PDE11A: variants seen among roughly 807,000 people sequenced by gnomAD.
PDE11A encodes phosphodiesterase 11A, also known as dual 3',5'-cyclic-AMP and -GMP phosphodiesterase 11A.
A neutral mutation model predicts 100.5 loss-of-function variants in PDE11A; 100 were observed. That is an observed-to-expected ratio of 1.00 (90% CI 0.85 to 1.18). PDE11A has a LOEUF of 1.18. PDE11A is among the 50% of genes most tolerant of loss of function. PDE11A has a pLI of 0.00. For missense variants in PDE11A, 1,141 were observed against 1,152.6 expected, an observed-to-expected ratio of 0.99 and a Z score of 0.15; for synonymous variants, 381 against 420.8, an observed-to-expected ratio of 0.91 and a Z score of 1.16.
chr2:177,969,360 C>A (rs1005379351), intron 2 of PDE11A, among the ~76,000 whole-genome samples: 2 of 152,072 alleles, frequency 1.3e-5, no homozygotes, highest in African/African-American at 4.8e-5. Flanking sequence ...GTGTAGCAAA[C>A]CACCATGGCA....
intron 2 of PDE11A, among the ~76,000 whole-genome samples, chr2:177,960,499 G>A (rs1178880904): frequency 6.6e-6 from 1 of 151,764 alleles, no homozygotes; most frequent in East Asian, 1.9e-4. Context: ...AGCCAAACTT[G>A]TATGTAAACA....
chr2:178,071,865 G>C lies in PDE11A; in HGVS notation c.573C>G (p.Asp191Glu), dbSNP rs1476117800. Reference protein sequence around the residue: ...NLPRYPPTAIDYKCHLKKHNE... With the variant: ...NLPRYPPTAIEYKCHLKKHNE... ...TATGCTTTTTCAGATGGCACTTGTA[G>C]TCGATGGCTGTAGGGGGATACCGAG... Residue 191 changes from aspartate to glutamate, a missense_variant, in exon 1 of 20, where the codon GAC (aspartate) becomes GAG (glutamate). Asp to Glu is a conservative substitution (Grantham distance 45). Coordinates refer to ENST00000286063, the MANE Select transcript of PDE11A (RefSeq NM_016953.4). 6.2e-7 allele frequency: 1 copy of C among 1,614,010 alleles called. No homozygotes were observed.
intron 1 of PDE11A, among the ~76,000 whole-genome samples, chr2:178,068,062 G>T (rs2087072261): frequency 2.0e-5 from 3 of 152,114 alleles, no homozygotes; most frequent in Admixed American, 2.0e-4. Context: ...TATTCTGAAT[G>T]CTTAGAATAA....
At chr2:177,932,138 C>G (rs2085216324) in intron 2 of PDE11A, among the ~76,000 whole-genome samples, 1 of 151,944 alleles carries the variant, frequency 6.6e-6, no homozygotes, top group Non-Finnish European at 1.5e-5. Context: ...CAAAACAGAC[C>G]AATATCAATA....
At chr2:177,979,611 C>CTTTTTTTTTTTT (rs57168619) in intron 2 of PDE11A, among the ~76,000 whole-genome samples, 42 of 106,850 alleles carry the variant, frequency 3.9e-4, no homozygotes, top group South Asian at 1.4e-3. Flanking sequence ...CTCAGATGAT[C>CTTTTTTTTTTTT]TTTTTTTTTT....
At chr2:177,642,323 G>T (rs1029491963) in intron 19 of PDE11A, among the ~76,000 whole-genome samples, 4 of 152,294 alleles carry the variant, frequency 2.6e-5, no homozygotes, top group Admixed American at 2.0e-4. Context: ...AGGGTTCAAG[G>T]TTACCTACAT....
intron 2 of PDE11A, among the ~76,000 whole-genome samples, chr2:177,930,402 A>C: frequency 6.6e-6 from 1 of 152,198 alleles, no homozygotes; most frequent in East Asian, 1.9e-4. Context: ...ATGAGTTGTA[A>C]ATGAGCTTAA....
intron 2 of PDE11A, chr2:177,997,972 A>G: frequency 8.4e-7 from 1 of 1,196,494 alleles, no homozygotes; most frequent in Middle Eastern, 2.0e-4. Flanking sequence ...AAGGTTAGGG[A>G]GAACCTGCTC....
At chr2:178,087,285 A>AGAG (rs1167736266) in intron 2 of PDE11A, among the ~76,000 whole-genome samples, 1 of 151,856 alleles carries the variant, frequency 6.6e-6, no homozygotes, top group Non-Finnish European at 1.5e-5. Flanking sequence ...CCTGGGAGGC[A>AGAG]GAGGTTGCAG....
chr2:177,881,792 T>G (rs1336862885), intron 4 of PDE11A, among the ~76,000 whole-genome samples: 1 of 152,264 alleles, frequency 6.6e-6, no homozygotes, highest in Non-Finnish European at 1.5e-5. Flanking sequence ...GTAGAGTGAA[T>G]AGTTGCAATT....
At position 177,727,745 on chromosome 2, in the gene PDE11A, CA is replaced by C; in HGVS notation, c.1955del (p.Leu652Ter). ...IDYETLCRWL[L>X]TVRKNYRMVL... ...CCATCCGATAGTTTTTCCTCACTGT[CA>C]AAAGCCACCTACACAGTGTCTGAAA... On this transcript the variant is annotated frameshift_variant, in exon 12 of 20. Coordinates refer to ENST00000286063, the MANE Select transcript of PDE11A (RefSeq NM_016953.4). LOFTEE classifies it high-confidence loss of function. 1 of 1,604,196 alleles carries C rather than the reference CA, an allele frequency of 6.2e-7. No individual in the cohort carries two copies. Among genetic ancestry groups the C allele is most frequent in the Non-Finnish European group, 8.5e-7 (1 of 1,171,082 alleles).
chr2:177,958,152 A>G (rs1420996745), intron 2 of PDE11A, among the ~76,000 whole-genome samples: 1 of 152,108 alleles, frequency 6.6e-6, no homozygotes, highest in Non-Finnish European at 1.5e-5. Context: ...CGGCCTCCCA[A>G]GGTGCTGCAA....
intron 9 of PDE11A, among the ~76,000 whole-genome samples, chr2:177,788,976 A>C (rs1248515438): frequency 6.6e-6 from 1 of 152,226 alleles, no homozygotes; most frequent in Non-Finnish European, 1.5e-5. Context: ...AGGAACTGGT[A>C]CCATTCCCTC....
intron 9 of PDE11A, among the ~76,000 whole-genome samples, chr2:177,800,080 G>A (rs2082766858): frequency 6.6e-6 from 1 of 151,858 alleles, no homozygotes; most frequent in African/African-American, 2.4e-5. Flanking sequence ...AGATGCACAG[G>A]TAAAAAAGTA....
At chr2:177,680,788 A>G in intron 16 of PDE11A, 38 bp downstream of exon 16, 1 of 1,138,468 alleles carries the variant, frequency 8.8e-7, no homozygotes, top group South Asian at 1.3e-5. Flanking sequence ...TAAATGTCCA[A>G]ATAATGAAGA....
intron 2 of PDE11A, among the ~76,000 whole-genome samples, chr2:177,966,081 C>T (rs944256649): frequency 6.6e-6 from 1 of 152,110 alleles, no homozygotes; most frequent in Admixed American, 6.5e-5. Flanking sequence ...CCTCCCTAGA[C>T]AGCTGTATTC....
rs201449611 is a variant in PDE11A at position 178,050,727 on chromosome 2, C to T, written c.912+20799G>A. Among the ~76,000 whole-genome samples the T allele has an allele frequency of 3.3e-5, 5 of 152,040 alleles. No individual in the cohort carries two copies. In the East Asian group the frequency reaches 7.7e-4, roughly 23 times the overall value. Reference sequence around the variant, plus strand: ...TGACGCATGCACAAGATTCAGTAGCCGATTCGATCAACTGGAAGAAAGGGT... The same window carrying T: ...TGACGCATGCACAAGATTCAGTAGCTGATTCGATCAACTGGAAGAAAGGGT... On this transcript the variant is annotated intron_variant, in intron 1 of 19. Transcript: ENST00000286063.
chr2:177,922,803 C>G (rs2085072291), intron 2 of PDE11A: 1 of 984,730 alleles, frequency 1.0e-6, no homozygotes, highest in African/African-American at 1.7e-5. Flanking sequence ...TTTCTTGACT[C>G]ATCTTCCAGC....
intron 3 of PDE11A, among the ~76,000 whole-genome samples, chr2:177,898,741 C>A (rs1317556216): frequency 6.6e-6 from 1 of 152,146 alleles, no homozygotes. Flanking sequence ...TAAATATACT[C>A]TTTTAAATTG....
Sources: allele counts gnomAD v4.1 joint callset (sites outside exome capture counted in the v4.1 genomes callset), GRCh38; gene constraint gnomAD v4.1.1; transcripts MANE v1.5; gene names NCBI Gene and HGNC (gene_info 2026-07-23, HGNC 2026-07-21).